SCAPER: variants seen among roughly 807,000 people sequenced by gnomAD.
SCAPER encodes the protein S phase cyclin A-associated protein in the endoplasmic reticulum.
In SCAPER, 98 loss-of-function variants were observed where a neutral mutation model predicts 182.2. The observed-to-expected ratio is 0.54, with a 90% CI of 0.46 to 0.64. SCAPER has a LOEUF of 0.64. Among genes scored for constraint, SCAPER ranks in the 30% least tolerant of loss-of-function variants. The probability of loss-of-function intolerance (pLI) is 0.00; values close to 1 mark genes in which losing one functional copy is unlikely to be tolerated. For synonymous variants in SCAPER, 605 were observed against 564.6 expected (o/e 1.07, Z -1.01); for missense variants, 1,432 against 1,690.0 (o/e 0.85, Z 2.68).
chr15:76,688,773 CCA>C (rs2058176296), intron 20 of SCAPER, among the ~76,000 whole-genome samples: 2 of 150,736 alleles, frequency 1.3e-5, no homozygotes, highest in South Asian at 4.2e-4. Context: ...CTGTTCTGTT[CCA>C]TTGGTCTATA....
chr15:76,493,429 A>C (rs192513927), intron 24 of SCAPER, among the ~76,000 whole-genome samples: 1 of 152,318 alleles, frequency 6.6e-6, no homozygotes, highest in Non-Finnish European at 1.5e-5. Flanking sequence ...AGACATTCTA[A>C]CTTTAGAAAG....
intron 27 of SCAPER, among the ~76,000 whole-genome samples, chr15:76,402,106 G>A (rs1014266926): frequency 1.3e-5 from 2 of 152,084 alleles, no homozygotes; most frequent in East Asian, 1.9e-4. Flanking sequence ...CAGCCTGGGC[G>A]ACAGAGTGAG....
chr15:76,856,216 T>C (rs2071351926), intron 4 of SCAPER, among the ~76,000 whole-genome samples: 1 of 151,866 alleles, frequency 6.6e-6, no homozygotes, highest in Non-Finnish European at 1.5e-5. Flanking sequence ...AGCTAAATTA[T>C]AAGAACTCAT....
At chr15:76,521,621 C>T (rs866798226) in intron 23 of SCAPER, among the ~76,000 whole-genome samples, 3 of 152,004 alleles carry the variant, frequency 2.0e-5, no homozygotes, top group Admixed American at 2.0e-4. Flanking sequence ...TTATATAAAG[C>T]GTATACAAAG....
At chr15:76,784,344 C>A (rs2064410877) in intron 8 of SCAPER, among the ~76,000 whole-genome samples, 1 of 152,152 alleles carries the variant, frequency 6.6e-6, no homozygotes, top group African/African-American at 2.4e-5. Flanking sequence ...TGAAGGATCT[C>A]TTCAAGGAGA....
intron 27 of SCAPER, among the ~76,000 whole-genome samples, chr15:76,401,097 G>A (rs1248657979): frequency 6.6e-6 from 1 of 151,936 alleles, no homozygotes; most frequent in East Asian, 1.9e-4. Flanking sequence ...GATTATCCAA[G>A]TAGACCAAAG....
intron 22 of SCAPER, among the ~76,000 whole-genome samples, chr15:76,579,819 G>C (rs531938265): frequency 8.5e-5 from 13 of 152,108 alleles, no homozygotes; most frequent in Non-Finnish European, 1.5e-4. Context: ...AAAATAAAGG[G>C]ATGGAAAAAG....
At chr15:76,531,121 C>T (rs897187577) in intron 23 of SCAPER, among the ~76,000 whole-genome samples, 4 of 151,866 alleles carry the variant, frequency 2.6e-5, no homozygotes, top group Non-Finnish European at 4.4e-5. Context: ...CTGTGAATCT[C>T]GAATAAAAAA....
chr15:76,753,968 A>G lies in SCAPER; in HGVS notation c.1726-20T>C, dbSNP rs775268151. The G allele has an allele frequency of 1.3e-5, 21 of 1,608,454 alleles. No homozygotes were observed. The highest frequency in any genetic ancestry group is 1.6e-5 in the Non-Finnish European group (19 of 1,177,286). On this transcript the variant is annotated intron_variant, in intron 14 of 31. Transcript: ENST00000563290. ...CTTCTCCTACGTATAGTGAATCATC[A>G]CATCCTTAATTTCAATATATACAAT...
intron 17 of SCAPER, among the ~76,000 whole-genome samples, chr15:76,724,099 C>T (rs1474630485): frequency 3.3e-5 from 5 of 151,678 alleles, no homozygotes; most frequent in East Asian, 1.9e-4. Flanking sequence ...CCTTCAGGAG[C>T]TCTTTTAGGG....
chr15:76,715,378 AT>A (rs779056871), intron 17 of SCAPER, among the ~76,000 whole-genome samples: 2 of 151,964 alleles, frequency 1.3e-5, no homozygotes, highest in Non-Finnish European at 2.9e-5. Flanking sequence ...CCTTCCAGGG[AT>A]TCAGAAGCTC....
At chr15:76,879,390 C>T (rs1369624590) in intron 2 of SCAPER, among the ~76,000 whole-genome samples, 1 of 152,160 alleles carries the variant, frequency 6.6e-6, no homozygotes, top group Non-Finnish European at 1.5e-5. Flanking sequence ...TCAATCTGCT[C>T]GCCTAGCCAC....
At chr15:76,409,662 C>T (rs2045137492) in intron 26 of SCAPER, among the ~76,000 whole-genome samples, 1 of 152,054 alleles carries the variant, frequency 6.6e-6, no homozygotes, top group African/African-American at 2.4e-5. Flanking sequence ...TCCTTGTCTA[C>T]CTATCCACTC....
chr15:76,352,981 T>C (rs182366634), intron 30 of SCAPER, among the ~76,000 whole-genome samples: 236 of 152,176 alleles, frequency 1.6e-3, no homozygotes, highest in Non-Finnish European at 2.4e-3. Context: ...CTAACATAAT[T>C]GATCTAGTTG....
At position 76,764,955 on chromosome 15, in the gene SCAPER, A is replaced by G; in HGVS notation, c.1725+6T>C. 7.4e-6 allele frequency: 11 copies of G among 1,486,252 alleles called. No individual in the cohort carries two copies. The highest frequency in any genetic ancestry group is 9.2e-6 in the Non-Finnish European group (10 of 1,082,998). 92.1% of individuals were successfully genotyped at this position (1,486,252 alleles called of 1,614,324 possible). The stretch of plus-strand genomic sequence containing the variant: ...TATCATAATTTCCTAAAAAATAAAA[A>G]CTCACCCTTTCTAACAATTTCTGAA... On this transcript the variant is annotated splice_donor_region_variant and intron_variant, in intron 14 of 31. Coordinates refer to ENST00000563290, the MANE Select transcript of SCAPER (RefSeq NM_020843.4).
At chr15:76,602,199 T>C (rs554668393) in intron 22 of SCAPER, among the ~76,000 whole-genome samples, 3 of 122,046 alleles carry the variant, frequency 2.5e-5, no homozygotes, top group Non-Finnish European at 6.0e-5. Flanking sequence ...TCTATGTTTA[T>C]TCGTTCTTCA....
chr15:76,584,370 G>C (rs2048477530), intron 22 of SCAPER, among the ~76,000 whole-genome samples: 1 of 152,176 alleles, frequency 6.6e-6, no homozygotes, highest in Non-Finnish European at 1.5e-5. Flanking sequence ...AATGACTACA[G>C]TCAACAATTT....
intron 25 of SCAPER, among the ~76,000 whole-genome samples, chr15:76,451,662 T>C (rs1177506229): frequency 6.6e-6 from 1 of 151,994 alleles, no homozygotes; most frequent in African/African-American, 2.4e-5. Flanking sequence ...AGGCCAACCA[T>C]AAAGAATGCT....
At chr15:76,415,628 A>G (rs543743577) in intron 26 of SCAPER, among the ~76,000 whole-genome samples, 1 of 152,366 alleles carries the variant, frequency 6.6e-6, no homozygotes, top group African/African-American at 2.4e-5. Flanking sequence ...TGGCAAAATA[A>G]TATCATAGCA....
Sources: allele counts gnomAD v4.1 joint callset (sites outside exome capture counted in the v4.1 genomes callset), GRCh38; gene constraint gnomAD v4.1.1; transcripts MANE v1.5; gene names NCBI Gene and HGNC (gene_info 2026-07-23, HGNC 2026-07-21).